The following SRGAP3 variants were observed in gnomAD, a reference collection of about 807,000 sequenced individuals.
SRGAP3 encodes SLIT-ROBO Rho GTPase-activating protein 3.
In SRGAP3, 39 loss-of-function variants were observed where a neutral mutation model predicts 121.1. The observed-to-expected ratio is 0.32, with a 90% CI of 0.25 to 0.42. The LOEUF is 0.42. SRGAP3 is among the 10% of genes least tolerant of loss of function. The pLI is 1.00. For missense variants in SRGAP3, 1,213 were observed against 1,470.6 expected, an observed-to-expected ratio of 0.82 and a Z score of 2.86; for synonymous variants, 601 against 570.0, an observed-to-expected ratio of 1.05 and a Z score of -0.77.
At chr3:9,161,433 G>T (rs901706767) in intron 1 of SRGAP3, among the ~76,000 whole-genome samples, 1 of 152,212 alleles carries the variant, frequency 6.6e-6, no homozygotes, top group East Asian at 1.9e-4. Context: ...CACAAGACAC[G>T]TGTCATCTCA....
intron 3 of SRGAP3, among the ~76,000 whole-genome samples, chr3:9,296,619 G>A (rs140921772): frequency 6.9e-4 from 105 of 152,322 alleles, no homozygotes; most frequent in Non-Finnish European, 1.1e-3. Flanking sequence ...GATTCAGATT[G>A]CCTGAATGCT....
At chr3:9,098,860 C>T (rs73015493) in intron 3 of SRGAP3, among the ~76,000 whole-genome samples, 7,553 of 152,226 alleles carry the variant, frequency 0.05, 279 homozygotes, top group Non-Finnish European at 0.079. Context: ...TGATGATGAC[C>T]GGCTTAGCAG....
At chr3:9,154,425 T>A (rs1164843735) in intron 1 of SRGAP3, among the ~76,000 whole-genome samples, 1 of 151,870 alleles carries the variant, frequency 6.6e-6, no homozygotes, top group Non-Finnish European at 1.5e-5. Context: ...CCAGTCCACC[T>A]CGCCTCCCCC....
At chr3:9,306,169 A>T (rs537555995) in intron 3 of SRGAP3, among the ~76,000 whole-genome samples, 2 of 152,298 alleles carry the variant, frequency 1.3e-5, no homozygotes, top group South Asian at 4.1e-4. Context: ...ACCAGTGATG[A>T]CGAGCATTTT....
Position 9,053,070 on chromosome 3 carries a change from T to C in SRGAP3, c.1280A>G (p.Lys427Arg). 1 of 1,614,204 alleles carries C rather than the reference T, an allele frequency of 6.2e-7. No individual in the cohort carries two copies. The highest frequency in any genetic ancestry group is 8.5e-7 in the Non-Finnish European group (1 of 1,180,044). ...TGTTTCCTGCTGGTTGGCTCTCCTC[T>C]TGGCAATGTTGATCTTGCTCATGTA... ...ETYMSKINIA[K>R]RRANQQETEM... Residue 427 changes from lysine (K) to arginine (R), a missense_variant, in exon 9 of 22, where the codon AAG (lysine) becomes AGG (arginine). By Grantham distance (26) the Lys-to-Arg change is conservative (BLOSUM62 2). Around this residue, in one of 2 missense-constraint regions of SRGAP3, gnomAD observed 793 missense variants for 1,032.9 expected, o/e 0.77. Coordinates refer to ENST00000383836, the MANE Select transcript of SRGAP3 (RefSeq NM_014850.4).
chr3:9,323,858 A>T (rs892137628), intron 3 of SRGAP3, among the ~76,000 whole-genome samples: 1 of 151,536 alleles, frequency 6.6e-6, no homozygotes, highest in East Asian at 1.9e-4. Context: ...ACTGAAAAAA[A>T]GGTTTAAATT....
At chr3:9,244,607 T>C (rs551200675) in intron 1 of SRGAP3, among the ~76,000 whole-genome samples, 3 of 152,268 alleles carry the variant, frequency 2.0e-5, no homozygotes, top group Admixed American at 1.3e-4. Context: ...GATCACCAAA[T>C]ATCATCAGTG....
rs1016997038 is a variant in SRGAP3, at chr3:9,249,046, G to T, written c.-95C>A. On this transcript the variant is annotated 5_prime_UTR_variant, in exon 1 of 22. Coordinates refer to ENST00000383836, the MANE Select transcript of SRGAP3 (RefSeq NM_014850.4). ...CAAGCCCTGGTAATCACACAGCTCT[G>T]GTCGATTTCACAGGTTTAGGGACTA... 52 of 1,250,842 alleles carry T rather than the reference G, an allele frequency of 4.2e-5. No homozygotes were observed. In the African/African-American group the frequency reaches 7.1e-4, roughly 17 times the overall value. The allele number at this position is 1,250,842 out of a possible 1,614,324, so 77.5% of individuals were successfully genotyped here.
At chr3:9,149,067 A>G (rs1424233437) in intron 1 of SRGAP3, among the ~76,000 whole-genome samples, 2 of 152,040 alleles carry the variant, frequency 1.3e-5, no homozygotes, top group Non-Finnish European at 2.9e-5. Context: ...ACAAAAAATT[A>G]GCCGAGCGTG....
At chr3:9,016,053 T>C (rs1011685350) in intron 14 of SRGAP3, 1 of 384,958 alleles carries the variant, frequency 2.6e-6, no homozygotes, top group Admixed American at 4.0e-5. Context: ...TGAGATTATT[T>C]TGTAGACATC....
chr3:9,085,777 A>G (rs1358822776), intron 3 of SRGAP3, among the ~76,000 whole-genome samples: 1 of 152,200 alleles, frequency 6.6e-6, no homozygotes, highest in Admixed American at 6.5e-5. Context: ...ACATTGATAC[A>G]TACAGGGAAA....
At chr3:9,163,841 G>GGGTA (rs1950686270) in intron 1 of SRGAP3, among the ~76,000 whole-genome samples, 1 of 152,068 alleles carries the variant, frequency 6.6e-6, no homozygotes, top group Admixed American at 6.5e-5. Context: ...GTCACCACTG[G>GGGTA]GGTAGACTCA....
chr3:9,289,444 A>G (rs1954836148), intron 3 of SRGAP3, among the ~76,000 whole-genome samples: 1 of 152,210 alleles, frequency 6.6e-6, no homozygotes, highest in Admixed American at 6.5e-5. Flanking sequence ...GGAAAAGACA[A>G]GTTCTTCTAT....
chr3:9,076,697 TCTCC>T (rs142963677), intron 4 of SRGAP3, among the ~76,000 whole-genome samples: 3 of 151,376 alleles, frequency 2.0e-5, no homozygotes, highest in Non-Finnish European at 1.5e-5. Context: ...TCCTTCTTGT[TCTCC>T]CTCCCTCCCT....
chr3:9,204,417 G>A (rs979489705), intron 1 of SRGAP3, among the ~76,000 whole-genome samples: 4 of 152,300 alleles, frequency 2.6e-5, no homozygotes, highest in Admixed American at 1.3e-4. Context: ...CCTGGGCCTG[G>A]GCTAGACATG....
At chr3:9,070,608 C>T (rs547617623) in intron 4 of SRGAP3, among the ~76,000 whole-genome samples, 13 of 151,906 alleles carry the variant, frequency 8.6e-5, no homozygotes, top group African/African-American at 3.1e-4. Context: ...GACAGATGAA[C>T]AGATGGGTGG....
At chr3:9,234,655 T>G (rs1005776560) in intron 1 of SRGAP3, among the ~76,000 whole-genome samples, 1 of 152,198 alleles carries the variant, frequency 6.6e-6, no homozygotes, top group Non-Finnish European at 1.5e-5. Flanking sequence ...GAAAACTTAC[T>G]GATCTACATT....
chr3:9,344,460 CAAAAATAAAAACA>C (rs964370683), intron 1 of SRGAP3, among the ~76,000 whole-genome samples: 1 of 151,688 alleles, frequency 6.6e-6, no homozygotes, highest in African/African-American at 2.4e-5. Flanking sequence ...CAAAAAAAAC[CAAAAATAAAAACA>C]ATACAAAAAT....
intron 1 of SRGAP3, among the ~76,000 whole-genome samples, chr3:9,129,579 A>C (rs564334438): frequency 1.3e-5 from 2 of 151,378 alleles, no homozygotes; most frequent in Admixed American, 6.6e-5. Flanking sequence ...TTGAACTCCC[A>C]TGGCACGTAC....
Sources: allele counts gnomAD v4.1 joint callset (sites outside exome capture counted in the v4.1 genomes callset), GRCh38; gene constraint gnomAD v4.1.1; regional missense constraint gnomAD v4.1.1; transcripts MANE v1.5; gene names NCBI Gene and HGNC (gene_info 2026-07-23, HGNC 2026-07-21).